The following SERPINB7 variants were observed in gnomAD, a reference collection of about 807,000 sequenced individuals.
The protein encoded by SERPINB7 is serpin B7.
Under a neutral mutation model 37.4 loss-of-function variants are expected in SERPINB7, and 31 were observed. The ratio of observed to expected loss-of-function variants is 0.83; its 90% CI spans 0.62 to 1.12. The LOEUF (loss-of-function observed/expected upper bound fraction) is 1.12. Among genes scored for constraint, SERPINB7 ranks in the 50% most tolerant of loss-of-function variants. The pLI, the probability that SERPINB7 is intolerant of heterozygous loss-of-function variation, is 0.00. For missense variants in SERPINB7, 521 were observed against 455.3 expected, an observed-to-expected ratio of 1.14 and a Z score of -1.31; for synonymous variants, 163 against 166.1, an observed-to-expected ratio of 0.98 and a Z score of 0.14.
Position 63,782,398 on chromosome 18 carries a change from C to CA in SERPINB7, c.27dup (p.Glu10ArgfsTer12). 1 of 1,612,710 alleles carries CA rather than the reference C, an allele frequency of 6.2e-7. No individual in the cohort carries two copies. Among genetic ancestry groups the CA allele is most frequent in the African/African-American group, 1.3e-5 (1 of 75,020 alleles). ...ATGGCCTCCCTTGCTGCAGCAAATGCAGAGTTTTGCTTCAACCTGTTCAGA... is the reference window on the plus strand; with the variant it reads ...ATGGCCTCCCTTGCTGCAGCAAATGCAAGAGTTTTGCTTCAACCTGTTCAGA... On this transcript the variant is annotated frameshift_variant, in exon 2 of 8. Transcript: ENST00000398019. LOFTEE classifies it high-confidence loss of function.
At chr18:63,773,922 T>C (rs766915834), upstream of SERPINB7, among the ~76,000 whole-genome samples, 7 of 152,176 alleles carry the variant, frequency 4.6e-5, no homozygotes, top group Non-Finnish European at 8.8e-5. Context: ...TTATCCAGTA[T>C]GTGTGTCACG....
chr18:63,764,629 C>G lies in SERPINB7; in HGVS notation c.-19+11509C>G, dbSNP rs1330918468. 2.0e-5 allele frequency among the ~76,000 whole-genome samples: 3 copies of G among 148,758 alleles called. No homozygotes were observed. The East Asian group carries it at 6.7e-4, about 33-fold the overall frequency. The stretch of plus-strand genomic sequence containing the variant: ...CGAAAAATAAACACTGAAATATACT[C>G]TTATTAAACAATTTTAATTGGCAAA... On this transcript the variant is annotated intron_variant, in intron 1 of 7. Coordinates refer to the SERPINB7 transcript ENST00000336429.
At chr18:63,754,873 C>G (rs997346550) in intron 1 of SERPINB7, among the ~76,000 whole-genome samples, 3 of 117,248 alleles carry the variant, frequency 2.6e-5, no homozygotes, top group African/African-American at 9.2e-5. Flanking sequence ...ATTGTTTAAA[C>G]TGAGGTCTTT....
intron 6 of SERPINB7, among the ~76,000 whole-genome samples, chr18:63,800,188 G>A (rs1388106469): frequency 6.6e-6 from 1 of 151,790 alleles, no homozygotes; most frequent in African/African-American, 2.4e-5. Context: ...CAAGTAGCTG[G>A]GAGTACAGGC....
In SERPINB7 at chr18:63,792,440, T is replaced by G. The variant is rs759419328; in HGVS notation, c.216T>G (p.Ser72Arg). The G allele has an allele frequency of 6.3e-7, 1 of 1,589,802 alleles. No homozygotes were observed. Among genetic ancestry groups the G allele is most frequent in the Admixed American group, 1.7e-5 (1 of 59,902 alleles). The change falls in exon 3 of 8, where the codon AGT becomes AGG. Residue 72 changes from serine to arginine, a missense_variant. Ser to Arg is a moderately radical substitution (Grantham distance 110). Coordinates refer to ENST00000398019, the MANE Select transcript of SERPINB7 (RefSeq NM_003784.4). ...CAGGATATGGAAACTCTTCTAATAG[T>G]CAGGTAAAGACAATATGTTCTTTTA... ...TASGYGNSSN[S>R]QSGLQSQLKR...
At chr18:63,754,880 CTTTTTTTTT>C (rs71162676) in intron 1 of SERPINB7, among the ~76,000 whole-genome samples, 3 of 57,940 alleles carry the variant, frequency 5.2e-5, no homozygotes, top group African/African-American at 2.1e-4. Flanking sequence ...AAACTGAGGT[CTTTTTTTTT>C]TTTTTTTTTT....
intron 1 of SERPINB7, among the ~76,000 whole-genome samples, chr18:63,776,834 A>AT (rs567688739): frequency 1.3e-5 from 2 of 151,802 alleles, no homozygotes; most frequent in South Asian, 2.1e-4. Context: ...AAATTTGCTC[A>AT]TTTTTTGGAT....
chr18:63,778,724 T>C (rs1276948684), intron 1 of SERPINB7, among the ~76,000 whole-genome samples: 1 of 152,156 alleles, frequency 6.6e-6, no homozygotes, highest in African/African-American at 2.4e-5. Context: ...ATTGTTGTTT[T>C]GATGCTAATA....
rs534160235 is a variant in SERPINB7, at chr18:63,762,434, T to C, written c.-19+9314T>C. The stretch of plus-strand genomic sequence containing the variant: ...ACTTGCCCAGAACATTCCACTATTA[T>C]TGAGTCTGATTTACAGATTACGTGC... On this transcript the variant is annotated intron_variant, in intron 1 of 7. Transcript: ENST00000336429. Among the ~76,000 whole-genome samples the C allele has an allele frequency of 1.3e-3, 199 of 152,284 alleles. 1 individual carries two copies. Among genetic ancestry groups the C allele is most frequent in the African/African-American group, 4.6e-3 (192 of 41,550 alleles).
chr18:63,785,903 GTATATATACACATATA>G (rs2049360371), intron 2 of SERPINB7, among the ~76,000 whole-genome samples: 4 of 126,044 alleles, frequency 3.2e-5, no homozygotes, highest in Non-Finnish European at 4.7e-5. Context: ...TATAATATAC[GTATATATACACATATA>G]TAATATACGT....
chr18:63,753,966 A>C (rs543281878), intron 1 of SERPINB7, among the ~76,000 whole-genome samples: 1 of 152,348 alleles, frequency 6.6e-6, no homozygotes, highest in African/African-American at 2.4e-5. Context: ...CAATATAAAC[A>C]AACTAGAGTG....
At position 63,793,128 on chromosome 18, in the gene SERPINB7, A is replaced by G. The variant is rs765097043; in HGVS notation, c.220-33A>G. On this transcript the variant is annotated intron_variant, in intron 3 of 7. Transcript: ENST00000398019. ...AGATTATGCATATCTTTGCAGTCCA[A>G]AAATAAATTTTTATACATCTTTTTA... 3.2e-6 allele frequency: 4 copies of G among 1,257,268 alleles called. No homozygotes were observed. In the African/African-American group the frequency reaches 6.0e-5, roughly 19 times the overall value. The allele number at this position is 1,257,268 out of a possible 1,614,324, so 77.9% of individuals were successfully genotyped here.
Position 63,804,447 on chromosome 18 carries a change from T to A in SERPINB7, c.955T>A (p.Ser319Thr), listed in dbSNP as rs1351411550. The A allele has an allele frequency of 3.1e-6, 5 of 1,613,780 alleles. No individual in the cohort carries two copies. In the East Asian group the frequency reaches 1.1e-4, roughly 36 times the overall value. ...TGCTTCGGGGGGTCGTCTGTATATA[T>A]CAAGGATGATGCACAAATCTTACAT... ...GIASGGRLYISRMMHKSYIEV... is the reference protein window; with the variant it reads ...GIASGGRLYITRMMHKSYIEV... Residue 319 changes from serine to threonine, a missense_variant, in exon 8 of 8, where the codon TCA becomes ACA. Ser to Thr is a moderately conservative substitution (Grantham distance 58). Coordinates refer to ENST00000398019, the MANE Select transcript of SERPINB7 (RefSeq NM_003784.4).
intron 1 of SERPINB7, among the ~76,000 whole-genome samples, chr18:63,776,676 A>C (rs1247256786): frequency 1.3e-5 from 2 of 150,292 alleles, no homozygotes; most frequent in Admixed American, 1.3e-4. Context: ...TGGTAGACAA[A>C]GGGAAGAAGT....
At chr18:63,785,794 T>G (rs2049358575) in intron 2 of SERPINB7, among the ~76,000 whole-genome samples, 1 of 150,878 alleles carries the variant, frequency 6.6e-6, no homozygotes. Context: ...TTATAGTGTT[T>G]GAATATAAAA....
chr18:63,768,896 C>T (rs2049194894), intron 1 of SERPINB7, among the ~76,000 whole-genome samples: 1 of 152,012 alleles, frequency 6.6e-6, no homozygotes, highest in South Asian at 2.1e-4. Flanking sequence ...TGAGATTCAT[C>T]CACAGTTTTG....
At chr18:63,789,869 TCA>T (rs1198134421) in intron 2 of SERPINB7, among the ~76,000 whole-genome samples, 1 of 152,222 alleles carries the variant, frequency 6.6e-6, no homozygotes, top group African/African-American at 2.4e-5. Context: ...TACCATATGC[TCA>T]CAGTGACAGT....
At chr18:63,774,580 C>T (rs1334792890), upstream of SERPINB7, among the ~76,000 whole-genome samples, 1 of 152,054 alleles carries the variant, frequency 6.6e-6, no homozygotes, top group East Asian at 1.9e-4. Context: ...CCCAACCTAC[C>T]TTTCCCTACA....
chr18:63,800,677 A>G (rs1414135931), intron 6 of SERPINB7, among the ~76,000 whole-genome samples, 189 bp from the exon 7 acceptor site: 1 of 152,212 alleles, frequency 6.6e-6, no homozygotes, highest in African/African-American at 2.4e-5. Flanking sequence ...CAAGGAATCA[A>G]ATTTGAAGTC....
Sources: allele counts gnomAD v4.1 joint callset (sites outside exome capture counted in the v4.1 genomes callset), GRCh38; gene constraint gnomAD v4.1.1; transcripts MANE v1.5; gene names NCBI Gene and HGNC (gene_info 2026-07-23, HGNC 2026-07-21).